Variants in LRP1B observed in about 807,000 individuals in gnomAD.
LRP1B encodes the protein low-density lipoprotein receptor-related protein 1B.
LRP1B carries 217 observed loss-of-function variants against 556.6 expected under a neutral mutation model. That is an observed-to-expected ratio of 0.39 (90% confidence interval 0.35 to 0.44). The LOEUF (loss-of-function observed/expected upper bound fraction) is 0.44, where lower values mean the gene tolerates loss of function less well. Among genes scored for constraint, LRP1B ranks in the 20% least tolerant of loss-of-function variants. The probability of loss-of-function intolerance (pLI) is 1.00; values close to 1 mark genes in which losing one functional copy is unlikely to be tolerated. For missense variants in LRP1B, 5,053 were observed against 5,620.8 expected (o/e 0.90, Z 3.23); for synonymous variants, 2,047 against 1,865.8 (o/e 1.10, Z -2.50).
intron 3 of LRP1B, among the ~76,000 whole-genome samples, chr2:141,292,967 A>G (rs1686034853): frequency 6.6e-6 from 1 of 152,202 alleles, no homozygotes; most frequent in South Asian, 2.1e-4. Context: ...TAAGATGTCA[A>G]TAGTAGGGGA....
rs918805949 is a variant in LRP1B, at chr2:141,311,801, C to T, written c.344-57160G>A. On this transcript the variant is annotated intron_variant, in intron 3 of 90. Transcript: ENST00000389484. ...AGAATTGTAAGAATAAATTTATTTTCTTTATAATTACTCAGTATATGGTAT... is the reference window on the plus strand; with the variant it reads ...AGAATTGTAAGAATAAATTTATTTTTTTTATAATTACTCAGTATATGGTAT... Among the ~76,000 whole-genome samples, 5 of 152,074 alleles carry T rather than the reference C, an allele frequency of 3.3e-5. No individual in the cohort carries two copies. In the East Asian group the frequency reaches 7.7e-4, roughly 23 times the overall value.
intron 1 of LRP1B, among the ~76,000 whole-genome samples, chr2:141,890,440 C>T (rs191220806): frequency 7.2e-6 from 1 of 139,858 alleles, no homozygotes. Flanking sequence ...CTCATTGGAT[C>T]TCACATACTA....
At chr2:141,733,849 T>C (rs1252041988) in intron 2 of LRP1B, among the ~76,000 whole-genome samples, 2 of 152,162 alleles carry the variant, frequency 1.3e-5, no homozygotes, top group Admixed American at 1.3e-4. Flanking sequence ...TTCTTGAATA[T>C]ACCACTATAA....
At chr2:141,627,414 C>T (rs1688739375) in intron 2 of LRP1B, among the ~76,000 whole-genome samples, 1 of 152,136 alleles carries the variant, frequency 6.6e-6, no homozygotes, top group Admixed American at 6.5e-5. Flanking sequence ...GTATGTGTCG[C>T]CAGCCCCCTG....
At chr2:140,758,740 T>C (rs1168967916) in intron 35 of LRP1B, among the ~76,000 whole-genome samples, 2 of 152,030 alleles carry the variant, frequency 1.3e-5, no homozygotes, top group Non-Finnish European at 2.9e-5. Flanking sequence ...AAAATATCAG[T>C]TGCTTTACCA....
intron 7 of LRP1B, among the ~76,000 whole-genome samples, chr2:141,174,042 A>G (rs1359071117): frequency 1.3e-5 from 2 of 151,998 alleles, no homozygotes; most frequent in Non-Finnish European, 2.9e-5. Context: ...TCAGATTTAT[A>G]TTATGCAAGC....
intron 84 of LRP1B, among the ~76,000 whole-genome samples, chr2:140,275,312 A>G (rs1446976707): frequency 2.0e-5 from 3 of 152,060 alleles, no homozygotes; most frequent in Admixed American, 6.6e-5. Flanking sequence ...TTTGCTCACT[A>G]GAAGCAGAGA....
rs182628466 is a variant in LRP1B at position 141,879,758 on chromosome 2, T to C, written c.83-69357A>G. 1.2e-3 allele frequency among the ~76,000 whole-genome samples: 179 copies of C among 151,996 alleles called. 1 individual carries two copies. Among genetic ancestry groups the C allele is most frequent in the African/African-American group, 4.1e-3 (171 of 41,530 alleles). ...ACAAACAAAAAACTTGTCTTGCCAA[T>C]CATGTTGTTTAGTACATGGAACGTC... is the stretch of plus-strand genomic sequence containing the variant. On this transcript the variant is annotated intron_variant, in intron 1 of 90. Coordinates refer to ENST00000389484, the MANE Select transcript of LRP1B (RefSeq NM_018557.3).
intron 43 of LRP1B, among the ~76,000 whole-genome samples, chr2:140,593,667 A>G (rs1682315731): frequency 6.6e-6 from 1 of 152,138 alleles, no homozygotes; most frequent in Non-Finnish European, 1.5e-5. Context: ...TCAAAATTGA[A>G]CTGTGCGGAC....
At chr2:141,730,474 T>C (rs1032175107) in intron 2 of LRP1B, among the ~76,000 whole-genome samples, 4 of 152,174 alleles carry the variant, frequency 2.6e-5, no homozygotes, top group African/African-American at 4.8e-5. Context: ...CTTTAACCCA[T>C]TGAATGCCAT....
rs1361492984 is a variant in LRP1B, at chr2:141,399,124, C to T, written c.343+81272G>A. The stretch of plus-strand genomic sequence containing the variant: ...TACAAAAATTAGCTGGGCGTGGTGG[C>T]GCACTCCTGTAATCCCAGCTACTCA... On this transcript the variant is annotated intron_variant, in intron 3 of 90. Coordinates refer to ENST00000389484, the MANE Select transcript of LRP1B (RefSeq NM_018557.3). Among the ~76,000 whole-genome samples, 4 of 151,986 alleles carry T rather than the reference C, an allele frequency of 2.6e-5. 1 individual carries two copies. Among genetic ancestry groups the T allele is most frequent in the South Asian group, 4.1e-4 (2 of 4,822 alleles).
At chr2:140,509,083 A>AACACAC (rs61074935) in intron 52 of LRP1B, among the ~76,000 whole-genome samples, 13,965 of 148,784 alleles carry the variant, frequency 0.094, 857 homozygotes, top group East Asian at 0.21. Context: ...CACACACACA[A>AACACAC]ACACACACAC....
intron 7 of LRP1B, among the ~76,000 whole-genome samples, chr2:141,144,791 G>C (rs541500262): frequency 6.6e-6 from 1 of 152,160 alleles, no homozygotes; most frequent in Non-Finnish European, 1.5e-5. Context: ...CATATTGATG[G>C]GCATACTACT....
At chr2:140,945,667 T>C (rs1695521221) in intron 20 of LRP1B, among the ~76,000 whole-genome samples, 1 of 151,984 alleles carries the variant, frequency 6.6e-6, no homozygotes, top group Admixed American at 6.6e-5. Flanking sequence ...TGCAGAAGAA[T>C]GAAATTGTAG....
At chr2:141,292,607 A>C (rs959995670) in intron 3 of LRP1B, among the ~76,000 whole-genome samples, 1 of 152,174 alleles carries the variant, frequency 6.6e-6, no homozygotes, top group African/African-American at 2.4e-5. Context: ...AGGTACCTCT[A>C]ATATGATATG....
At chr2:141,115,657 G>T (rs908780599) in intron 7 of LRP1B, among the ~76,000 whole-genome samples, 7 of 145,488 alleles carry the variant, frequency 4.8e-5, no homozygotes, top group African/African-American at 1.0e-4. Context: ...GTGTGTGTGT[G>T]TTTTTTAGTA....
chr2:140,816,159 C>T (rs954998403), intron 31 of LRP1B, among the ~76,000 whole-genome samples: 3 of 151,644 alleles, frequency 2.0e-5, no homozygotes, highest in South Asian at 2.1e-4. Flanking sequence ...CACTGTGTCA[C>T]GAGGCTGGAG....
intron 84 of LRP1B, among the ~76,000 whole-genome samples, chr2:140,277,538 G>A (rs775917175): frequency 5.3e-5 from 8 of 152,012 alleles, no homozygotes; most frequent in Admixed American, 2.0e-4. Context: ...AGTGAGCCAA[G>A]ATTGTGACAT....
rs941623006 is a variant in LRP1B at position 142,026,952 on chromosome 2, C to A, written c.82+103696G>T. 1.7e-4 allele frequency among the ~76,000 whole-genome samples: 26 copies of A among 152,078 alleles called. 1 individual carries two copies. Among genetic ancestry groups the A allele is most frequent in the African/African-American group, 6.3e-4 (26 of 41,504 alleles). ...AGGAAAGAGAAACATGAGCACTCAG[C>A]CAAAATTTCTCAAGTTGACAGCAAG... On this transcript the variant is annotated intron_variant, in intron 1 of 90. Coordinates refer to ENST00000389484, the MANE Select transcript of LRP1B (RefSeq NM_018557.3).
Sources: gnomAD v4.1 joint callset for allele counts (sites outside exome capture counted in the v4.1 genomes callset) on GRCh38, gnomAD v4.1.1 for gene constraint, MANE v1.5 for transcripts, NCBI Gene and HGNC (gene_info 2026-07-23, HGNC 2026-07-21) for gene names.